Variants in EHD4 observed in about 807,000 individuals in gnomAD.
EHD4 encodes EH domain containing 4, also known as EH domain-containing protein 4.
Under a neutral mutation model 51.0 loss-of-function variants are expected in EHD4, and 37 were observed. The observed-to-expected ratio is 0.73, with a 90% CI of 0.56 to 0.95. The LOEUF (loss-of-function observed/expected upper bound fraction) is 0.95, where lower values mean the gene tolerates loss of function less well. Ranked by LOEUF, EHD4 falls within the 40% of genes least tolerant of loss-of-function variation. The probability of loss-of-function intolerance (pLI) is 0.00; values close to 1 mark genes in which losing one functional copy is unlikely to be tolerated. For synonymous variants in EHD4, 297 were observed against 317.3 expected (o/e 0.94, Z 0.68); for missense variants, 632 against 733.1 (o/e 0.86, Z 1.59).
In EHD4 at chr15:41,900,989, C is replaced by T. The variant is rs930842299; in HGVS notation, c.1282G>A (p.Gly428Ser). 1.1e-5 allele frequency: 17 copies of T among 1,609,884 alleles called. No individual in the cohort carries two copies. The highest frequency in any genetic ancestry group is 1.4e-5 in the Non-Finnish European group (17 of 1,176,670). Reference protein sequence around the residue: ...DGTTEGPFNQGYGEGAKEGAD... With the variant: ...DGTTEGPFNQSYGEGAKEGAD... ...CCCTCCTTGGCACCCTCCCCGTAGCCCTGGTTGAAGGGGCCCTCGGTGGTG... is the reference window on the plus strand; with the variant it reads ...CCCTCCTTGGCACCCTCCCCGTAGCTCTGGTTGAAGGGGCCCTCGGTGGTG... Residue 428 changes from glycine (G) to serine (S), a missense_variant, in exon 6 of 6, where the codon GGC (glycine) becomes AGC (serine). Coordinates refer to ENST00000220325, the MANE Select transcript of EHD4 (RefSeq NM_139265.4). The surrounding 1 kb of genome is among the most constrained non-coding windows in gnomAD (Gnocchi z 4.8).
At chr15:41,957,469 C>T (rs1566826986) in intron 1 of EHD4, among the ~76,000 whole-genome samples, 1 of 152,162 alleles carries the variant, frequency 6.6e-6, no homozygotes, top group Non-Finnish European at 1.5e-5. Flanking sequence ...TCTATATACT[C>T]AGTACTTTAG....
intron 3 of EHD4, among the ~76,000 whole-genome samples, chr15:41,941,354 T>C (rs2067768434): frequency 6.6e-6 from 1 of 152,180 alleles, no homozygotes; most frequent in Admixed American, 6.5e-5. Context: ...AATCAAGGTG[T>C]AGAAAATGTG....
In EHD4 at chr15:41,900,593, C is replaced by T. The variant is rs544194547; in HGVS notation, c.*52G>A. On this transcript the variant is annotated 3_prime_UTR_variant, in exon 6 of 6. Coordinates refer to ENST00000220325, the MANE Select transcript of EHD4 (RefSeq NM_139265.4). The surrounding 1 kb of genome is among the most constrained non-coding windows in gnomAD (Gnocchi z 4.8). ...GTCATTCGGTGAGTCAGTGGTGGAG[C>T]AGGCCTGAGGCCCAGGTCCCCCAGT... The T allele has an allele frequency of 8.0e-6, 12 of 1,491,692 alleles. No individual in the cohort carries two copies. The Admixed American group carries it at 2.0e-4, about 25-fold the overall frequency. The allele number at this position is 1,491,692 out of a possible 1,614,324, so 92.4% of individuals were successfully genotyped here.
chr15:41,916,730 G>A (rs773100004), intron 4 of EHD4, among the ~76,000 whole-genome samples: 2 of 152,222 alleles, frequency 1.3e-5, no homozygotes, highest in Non-Finnish European at 2.9e-5. Flanking sequence ...TCCTCCGGGT[G>A]AGCCCGCTTC....
rs934104000 is a variant in EHD4, at chr15:41,898,824, C to T, written c.*1821G>A. ...TGCACTCCAGCCTGGGTGACAGAGA[C>T]TTCCTCTCAAAATAAAAATAAAAAT... is the stretch of plus-strand genomic sequence containing the variant. On this transcript the variant is annotated 3_prime_UTR_variant, in exon 6 of 6. Transcript: ENST00000220325. 1.3e-5 allele frequency: 2 copies of T among 152,090 alleles called. No individual in the cohort carries two copies. Among genetic ancestry groups the T allele is most frequent in the African/African-American group, 4.8e-5 (2 of 41,408 alleles). The allele number at this position is 152,090 out of a possible 1,614,324, so 9.4% of individuals were successfully genotyped here. A position where few individuals can be genotyped will look rare whatever the true frequency, so the allele number is the denominator to read the frequency against.
chr15:41,927,344 G>A (rs1012229838), intron 3 of EHD4, among the ~76,000 whole-genome samples: 3 of 152,196 alleles, frequency 2.0e-5, no homozygotes, highest in African/African-American at 7.2e-5. Flanking sequence ...AGAGATATCT[G>A]CACACCCATG....
chr15:41,933,866 GAC>G (rs2067713787), intron 3 of EHD4, among the ~76,000 whole-genome samples: 1 of 152,184 alleles, frequency 6.6e-6, no homozygotes, highest in African/African-American at 2.4e-5. Flanking sequence ...CAAGCAGTGA[GAC>G]ACAGACAGAG....
At chr15:41,938,148 GTTTTGGATTTTGGAGGA>G (rs2067744416) in intron 3 of EHD4, among the ~76,000 whole-genome samples, 1 of 152,158 alleles carries the variant, frequency 6.6e-6, no homozygotes, top group African/African-American at 2.4e-5. Context: ...ACGTCAAAAA[GTTTTGGATTTTGGAGGA>G]TTTTGGATTT....
Position 41,901,190 on chromosome 15 carries a change from G to A in EHD4, c.1090-9C>T. ...TAGTTCTCAAGCTGTTCCTGCAGAA[G>A]GACAAACCACAGGATGGGTTACATG... On this transcript the variant is annotated splice_polypyrimidine_tract_variant and intron_variant, in intron 5 of 5. Transcript: ENST00000220325. The A allele has an allele frequency of 6.5e-7, 1 of 1,535,588 alleles. No homozygotes were observed.
chr15:41,935,130 G>T (rs964642030), intron 3 of EHD4, among the ~76,000 whole-genome samples: 1 of 152,142 alleles, frequency 6.6e-6, no homozygotes, highest in African/African-American at 2.4e-5. Context: ...TCCTCCTGCT[G>T]AAGAGCTCTT....
At chr15:41,935,777 T>C (rs1458887731) in intron 3 of EHD4, among the ~76,000 whole-genome samples, 1 of 152,176 alleles carries the variant, frequency 6.6e-6, no homozygotes, top group African/African-American at 2.4e-5. Flanking sequence ...TAACTTCTAT[T>C]TTCTCTGGAG....
intron 5 of EHD4, among the ~76,000 whole-genome samples, chr15:41,903,022 CGA>C (rs1567242589): frequency 2.0e-5 from 3 of 151,326 alleles, no homozygotes. Context: ...CTCTGAACTG[CGA>C]GAGTTACCTA....
Position 41,909,883 on chromosome 15 carries a change from G to T in EHD4, c.925-20C>A. Reference sequence around the variant, plus strand: ...ATGCACCTGGAGGGGTATAGATCAGGCAGGGAAGTGTCATTTAGAATTGCA... The same window carrying T: ...ATGCACCTGGAGGGGTATAGATCAGTCAGGGAAGTGTCATTTAGAATTGCA... On this transcript the variant is annotated intron_variant, in intron 4 of 5. Coordinates refer to ENST00000220325, the MANE Select transcript of EHD4 (RefSeq NM_139265.4). 1 of 1,613,458 alleles carries T rather than the reference G, an allele frequency of 6.2e-7. No individual in the cohort carries two copies. The highest frequency in any genetic ancestry group is 8.5e-7 in the Non-Finnish European group (1 of 1,179,608).
intron 3 of EHD4, among the ~76,000 whole-genome samples, chr15:41,926,639 C>T (rs1480865869): frequency 6.6e-6 from 1 of 152,236 alleles, no homozygotes; most frequent in Admixed American, 6.5e-5. Flanking sequence ...AAGATTATCT[C>T]CAAAACTGTG....
Position 41,901,064 on chromosome 15 carries a change from C to T in EHD4, c.1207G>A (p.Glu403Lys), listed in dbSNP as rs771427091. 2 of 1,613,186 alleles carry T rather than the reference C, an allele frequency of 1.2e-6. No homozygotes were observed. The highest frequency in any genetic ancestry group is 2.2e-5 in the South Asian group (2 of 90,940). ...ISPLMNLISQ[E>K]ETSTPTQLVQ... is the part of the protein sequence containing the mutation. ...AGCTGCGTGGGCGTGCTCGTCTCCT[C>T]CTGGCTGATGAGGTTCATGAGGGGC... Residue 403 changes from glutamate (E) to lysine (K), a missense_variant, in exon 6 of 6, where the codon GAG becomes AAG. By Grantham distance (56) the Glu-to-Lys change is moderately conservative (BLOSUM62 1). Transcript: ENST00000220325.
In EHD4 at chr15:41,943,112, CGAT is replaced by C. The variant is rs776025771; in HGVS notation, c.463_465del (p.Ile155del). On this transcript the variant is annotated inframe_deletion, in exon 3 of 6. Transcript: ENST00000220325. Reference sequence around the variant, plus strand: ...TCCCCAGAAAGGATGCCGGGGCTGTCGATGACGCTGATGCTCTTCAGGACCTGA... The same window carrying C: ...TCCCCAGAAAGGATGCCGGGGCTGTCGACGCTGATGCTCTTCAGGACCTGA... 5 of 1,592,862 alleles carry C rather than the reference CGAT, an allele frequency of 3.1e-6. No homozygotes were observed. Among genetic ancestry groups the C allele is most frequent in the Non-Finnish European group, 3.4e-6 (4 of 1,169,802 alleles).
At chr15:41,949,775 A>C (rs1003069568) in intron 2 of EHD4, among the ~76,000 whole-genome samples, 3 of 152,202 alleles carry the variant, frequency 2.0e-5, no homozygotes, top group African/African-American at 7.2e-5. Flanking sequence ...TCTGAATTTG[A>C]AAATATACAC....
intron 2 of EHD4, among the ~76,000 whole-genome samples, chr15:41,949,016 C>CTATATATATATATATATATATA (rs3035677): frequency 2.6e-4 from 24 of 92,460 alleles, no homozygotes; most frequent in South Asian, 1.2e-3. Flanking sequence ...CAGAGTGAGA[C>CTATATATATATATATATATATA]TATATATATA....
rs1276562444 is a variant in EHD4, at chr15:41,897,988, G to A, written c.*2657C>T. 1 of 152,208 alleles carries A rather than the reference G, an allele frequency of 6.6e-6. No homozygotes were observed. The highest frequency in any genetic ancestry group is 1.5e-5 in the Non-Finnish European group (1 of 68,038). The allele number at this position is 152,208 out of a possible 1,614,324, so 9.4% of individuals were successfully genotyped here. ...GGGTAGGGAGACAGCTGGTGGTGTGGACACATTCACAGAACTTTGTACTGG... is the reference window on the plus strand; with the variant it reads ...GGGTAGGGAGACAGCTGGTGGTGTGAACACATTCACAGAACTTTGTACTGG... On this transcript the variant is annotated 3_prime_UTR_variant, in exon 6 of 6. Transcript: ENST00000220325.
Sources: gnomAD v4.1 joint callset for allele counts (sites outside exome capture counted in the v4.1 genomes callset) on GRCh38, gnomAD v4.1.1 for gene constraint, Gnocchi (gnomAD v3.1) non-coding constraint, MANE v1.5 for transcripts, NCBI Gene and HGNC (gene_info 2026-07-23, HGNC 2026-07-21) for gene names.